COMMD10: variants seen among roughly 807,000 people sequenced by gnomAD.
The protein encoded by COMMD10 is COMM domain containing 10.
COMMD10 carries 33 observed loss-of-function variants against 28.9 expected under a neutral mutation model. That is an observed-to-expected ratio of 1.14 (90% CI 0.87 to 1.53). The LOEUF (loss-of-function observed/expected upper bound fraction) is 1.53. Ranked by LOEUF, COMMD10 falls within the 40% of genes most tolerant of loss-of-function variation. The pLI is 0.00. For missense variants in COMMD10, 310 were observed against 233.4 expected, an observed-to-expected ratio of 1.33 and a Z score of -2.14; for synonymous variants, 110 against 81.7, an observed-to-expected ratio of 1.35 and a Z score of -1.87.
intron 5 of COMMD10, among the ~76,000 whole-genome samples, chr5:116,261,862 C>G (rs1750455884): frequency 6.6e-6 from 1 of 151,756 alleles, no homozygotes. Flanking sequence ...CCATTCTTAA[C>G]TGTTTCGGTT....
intron 5 of COMMD10, chr5:116,218,055 G>A: frequency 4.3e-6 from 5 of 1,168,962 alleles, no homozygotes; most frequent in Non-Finnish European, 6.4e-6. Flanking sequence ...TCAGCTTTCT[G>A]TGCCTGATCT....
intron 4 of COMMD10, among the ~76,000 whole-genome samples, chr5:116,117,833 A>G (rs1341720032): frequency 6.6e-6 from 1 of 152,128 alleles, no homozygotes; most frequent in Admixed American, 6.5e-5. Context: ...GAGATTATAT[A>G]TTTTTATATT....
intron 4 of COMMD10, among the ~76,000 whole-genome samples, chr5:116,132,112 T>G (rs779463624): frequency 2.0e-5 from 3 of 151,992 alleles, no homozygotes; most frequent in Non-Finnish European, 4.4e-5. Flanking sequence ...ACTATTGTGA[T>G]AGTCTGGGAA....
chr5:116,086,279 C>A (rs1274808637), intron 1 of COMMD10, among the ~76,000 whole-genome samples: 1 of 152,214 alleles, frequency 6.6e-6, no homozygotes, highest in African/African-American at 2.4e-5. Flanking sequence ...GTTCTGATCG[C>A]CAGTTTCTTT....
At chr5:116,126,577 A>G (rs77844358) in intron 4 of COMMD10, among the ~76,000 whole-genome samples, 1 of 151,174 alleles carries the variant, frequency 6.6e-6, no homozygotes, top group Non-Finnish European at 1.5e-5. Flanking sequence ...CAAAACAGAG[A>G]TATAGACCAA....
chr5:116,107,240 G>A (rs986310923), intron 4 of COMMD10, among the ~76,000 whole-genome samples: 3 of 152,100 alleles, frequency 2.0e-5, no homozygotes, highest in Admixed American at 2.0e-4. Flanking sequence ...CTAGGTTGGG[G>A]AAGTTCTCCT....
chr5:116,267,908 G>A (rs1750637042), intron 5 of COMMD10, among the ~76,000 whole-genome samples: 1 of 151,868 alleles, frequency 6.6e-6, no homozygotes, highest in South Asian at 2.1e-4. Flanking sequence ...GTAGAAAGCT[G>A]AAACTGGATC....
intron 5 of COMMD10, among the ~76,000 whole-genome samples, chr5:116,232,417 G>C (rs1749551117): frequency 6.6e-6 from 1 of 151,936 alleles, no homozygotes; most frequent in Non-Finnish European, 1.5e-5. Flanking sequence ...AAGCAAGATA[G>C]GATAAATTCA....
rs1413597044 is a variant in COMMD10, at chr5:116,244,418, A to T, written c.511-47099A>T. ...TATTAGAAATCTATGAGGTACCAAC[A>T]TCTATGTGAAGTCCTGGTTATAATG... is the stretch of plus-strand genomic sequence containing the variant. On this transcript the variant is annotated intron_variant, in intron 5 of 6. Coordinates refer to ENST00000274458, the MANE Select transcript of COMMD10 (RefSeq NM_016144.4). Among the ~76,000 whole-genome samples, 4 of 152,038 alleles carry T rather than the reference A, an allele frequency of 2.6e-5. No individual in the cohort carries two copies. In the East Asian group the frequency reaches 7.7e-4, roughly 29 times the overall value.
intron 5 of COMMD10, among the ~76,000 whole-genome samples, chr5:116,169,020 C>G (rs899054978): frequency 2.0e-5 from 3 of 151,430 alleles, no homozygotes; most frequent in Non-Finnish European, 3.0e-5. Flanking sequence ...AAAACCAATT[C>G]AAAAAATAAA....
intron 5 of COMMD10, among the ~76,000 whole-genome samples, chr5:116,233,240 T>G (rs1472262728): frequency 6.6e-6 from 1 of 152,176 alleles, no homozygotes; most frequent in Non-Finnish European, 1.5e-5. Flanking sequence ...CTCATGACTC[T>G]TATTACAGTA....
chr5:116,182,410 G>A (rs75585136), intron 5 of COMMD10, among the ~76,000 whole-genome samples: 4,286 of 151,988 alleles, frequency 0.028, 102 homozygotes, highest in East Asian at 0.14. Flanking sequence ...GAAGAGGTGT[G>A]GGGGGTGGGT....
At chr5:116,141,017 A>C (rs1323856955) in intron 5 of COMMD10, among the ~76,000 whole-genome samples, 2 of 151,810 alleles carry the variant, frequency 1.3e-5, no homozygotes, top group African/African-American at 2.4e-5. Context: ...GATGAACATC[A>C]AGGAGCTTTT....
chr5:116,268,730 A>G (rs929976726), intron 5 of COMMD10, among the ~76,000 whole-genome samples: 2 of 151,934 alleles, frequency 1.3e-5, no homozygotes, highest in Non-Finnish European at 2.9e-5. Context: ...GGATTAAGAA[A>G]ATGTGACACA....
At chr5:116,260,213 TATC>T (rs374146362) in intron 5 of COMMD10, among the ~76,000 whole-genome samples, 1 of 151,990 alleles carries the variant, frequency 6.6e-6, no homozygotes, top group African/African-American at 2.4e-5. Flanking sequence ...AATGGAGACT[TATC>T]AACATATTAT....
chr5:116,258,436 T>C (rs534245798), intron 5 of COMMD10, among the ~76,000 whole-genome samples: 64 of 149,624 alleles, frequency 4.3e-4, no homozygotes, highest in African/African-American at 1.5e-3. Flanking sequence ...CACATCTTTT[T>C]TTCTCTGGAT....
chr5:116,133,785 C>T (rs1215900547), intron 4 of COMMD10, among the ~76,000 whole-genome samples: 1 of 152,156 alleles, frequency 6.6e-6, no homozygotes, highest in Non-Finnish European at 1.5e-5. Flanking sequence ...ACCATTGGCT[C>T]TTTTAATATA....
intron 5 of COMMD10, among the ~76,000 whole-genome samples, chr5:116,253,954 G>C (rs1012299630): frequency 6.6e-6 from 1 of 151,886 alleles, no homozygotes; most frequent in Non-Finnish European, 1.5e-5. Flanking sequence ...GTAAGCTATT[G>C]ATTATTGCCA....
chr5:116,117,161 A>T (rs1309307927), intron 4 of COMMD10, among the ~76,000 whole-genome samples: 1 of 152,142 alleles, frequency 6.6e-6, no homozygotes, highest in African/African-American at 2.4e-5. Context: ...CAATTTGTTT[A>T]TCTGTATTTC....
Sources: allele counts gnomAD v4.1 joint callset (sites outside exome capture counted in the v4.1 genomes callset), GRCh38; gene constraint gnomAD v4.1.1; transcripts MANE v1.5; gene names NCBI Gene and HGNC (gene_info 2026-07-23, HGNC 2026-07-21).